The following TENM3 variants were observed in gnomAD, a reference collection of about 807,000 sequenced individuals.
The protein encoded by TENM3 is teneurin-3.
Under a neutral mutation model 255.1 loss-of-function variants are expected in TENM3, and 63 were observed. The ratio of observed to expected loss-of-function variants is 0.25; its 90% CI spans 0.20 to 0.30. The LOEUF (loss-of-function observed/expected upper bound fraction) is 0.30, where lower values mean the gene tolerates loss of function less well. TENM3 is among the 10% of genes least tolerant of loss of function. The pLI is 1.00. For synonymous variants in TENM3, 1,306 were observed against 1,322.3 expected (o/e 0.99, Z 0.27); for missense variants, 2,929 against 3,461.1 (o/e 0.85, Z 3.86).
intron 24 of TENM3, among the ~76,000 whole-genome samples, chr4:182,788,275 T>C (rs1026484287): frequency 6.6e-6 from 1 of 152,168 alleles, no homozygotes; most frequent in African/African-American, 2.4e-5. Flanking sequence ...CTGCAAACAC[T>C]GGAGACTATT....
At chr4:182,023,858 T>A in the TENM3 span, among the ~76,000 whole-genome samples, 2 of 152,192 alleles carry the variant, frequency 1.3e-5, no homozygotes, top group Non-Finnish European at 2.9e-5. Context: ...CATACTCTCA[T>A]AAATATGATG....
In TENM3 at chr4:182,770,085, G is replaced by A. The variant is rs759977847; in HGVS notation, c.4893-3387G>A. ...CATGCCACTGCATTCCAGTCTGGGC[G>A]ACAGAGTGAGACTTGTCTCGAAAAA... is the stretch of plus-strand genomic sequence containing the variant. On this transcript the variant is annotated intron_variant, in intron 22 of 27. Transcript: ENST00000511685. Among the ~76,000 whole-genome samples the A allele has an allele frequency of 5.7e-3, 838 of 146,464 alleles. 3 individuals are homozygous for A. Among genetic ancestry groups the A allele is most frequent in the South Asian group, 0.021 (97 of 4,516 alleles).
At chr4:182,694,745 G>A (rs1203825352) in intron 12 of TENM3, among the ~76,000 whole-genome samples, 4 of 152,158 alleles carry the variant, frequency 2.6e-5, no homozygotes. Flanking sequence ...TGGGCTTTGG[G>A]ATGCCGAAGG....
chr4:182,592,579 A>C (rs1000918183), intron 3 of TENM3, among the ~76,000 whole-genome samples: 2 of 152,128 alleles, frequency 1.3e-5, no homozygotes, highest in Admixed American at 1.3e-4. Context: ...TAAAAAATTC[A>C]CTGGGCGTGT....
the TENM3 span, among the ~76,000 whole-genome samples, chr4:181,600,742 G>A: frequency 3.3e-5 from 5 of 151,384 alleles, no homozygotes; most frequent in South Asian, 1.1e-3. Context: ...ATTCAGACAG[G>A]CATCCTTCGA....
chr4:181,992,095 T>TGTAAAA, the TENM3 span, among the ~76,000 whole-genome samples: 11 of 152,286 alleles, frequency 7.2e-5, no homozygotes, highest in South Asian at 2.3e-3. Context: ...CGATAGGGCA[T>TGTAAAA]GTAAAAGTAC....
intron 1 of TENM3, among the ~76,000 whole-genome samples, chr4:182,191,368 C>G (rs1753505553): frequency 2.0e-5 from 3 of 152,152 alleles, no homozygotes; most frequent in African/African-American, 7.2e-5. Context: ...TTTTCTCCGG[C>G]TCTCTCCTCT....
intron 6 of TENM3, among the ~76,000 whole-genome samples, chr4:182,671,973 CTTG>C (rs1378432988): frequency 6.6e-6 from 1 of 152,140 alleles, no homozygotes; most frequent in South Asian, 2.1e-4. Context: ...TCCTCACCCT[CTTG>C]TTGTTATCAG....
chr4:182,017,645 A>G, the TENM3 span, among the ~76,000 whole-genome samples: 2 of 152,228 alleles, frequency 1.3e-5, no homozygotes, highest in Admixed American at 1.3e-4. Flanking sequence ...AAATAGTCCC[A>G]TACTATAAAA....
At chr4:182,711,030 A>C (rs1758711640) in intron 12 of TENM3, among the ~76,000 whole-genome samples, 2 of 152,218 alleles carry the variant, frequency 1.3e-5, no homozygotes, top group South Asian at 4.1e-4. Context: ...AATGGGCTAT[A>C]TATGCGATAA....
chr4:182,241,530 T>TTTTTTG (rs1757258685), upstream of TENM3, among the ~76,000 whole-genome samples: 1 of 147,156 alleles, frequency 6.8e-6, no homozygotes, highest in Admixed American at 6.7e-5. Flanking sequence ...TTTTTTTTTT[T>TTTTTTG]TTTTTGTGAG....
At chr4:181,817,059 C>T in the TENM3 span, among the ~76,000 whole-genome samples, 7 of 152,314 alleles carry the variant, frequency 4.6e-5, no homozygotes, top group East Asian at 1.2e-3. Context: ...CAGGACTCCA[C>T]TCTAAATTCA....
chr4:181,477,305 T>C, the TENM3 span, among the ~76,000 whole-genome samples: 1 of 152,138 alleles, frequency 6.6e-6, no homozygotes, highest in Non-Finnish European at 1.5e-5. Context: ...ATTTGAGATC[T>C]CTTCTAGCTG....
the TENM3 span, among the ~76,000 whole-genome samples, chr4:181,773,707 T>TTG: frequency 6.6e-6 from 1 of 152,276 alleles, no homozygotes; most frequent in Middle Eastern, 3.4e-3. Context: ...TGTTTAAAAT[T>TTG]TGTGTGTGTG....
At chr4:182,425,853 C>T (rs1203102776) in intron 3 of TENM3, among the ~76,000 whole-genome samples, 2 of 151,818 alleles carry the variant, frequency 1.3e-5, no homozygotes, top group Admixed American at 1.3e-4. Flanking sequence ...ACTAAAAACA[C>T]AAAAACTAGC....
the TENM3 span, among the ~76,000 whole-genome samples, chr4:181,629,408 T>C: frequency 2.0e-5 from 3 of 152,326 alleles, no homozygotes; most frequent in African/African-American, 4.8e-5. Flanking sequence ...CATCCCTGTC[T>C]TGTGCCAGTT....
chr4:182,205,598 C>T (rs542725917), intron 1 of TENM3, among the ~76,000 whole-genome samples: 2 of 152,392 alleles, frequency 1.3e-5, no homozygotes, highest in South Asian at 2.1e-4. Context: ...CCCAAATCAC[C>T]GCGCCACATC....
At chr4:181,711,461 A>G in the TENM3 span, among the ~76,000 whole-genome samples, 1 of 152,200 alleles carries the variant, frequency 6.6e-6, no homozygotes, top group Admixed American at 6.5e-5. Context: ...CAGTTCTTGG[A>G]TCTTCTGAAG....
intron 12 of TENM3, among the ~76,000 whole-genome samples, chr4:182,690,190 G>A (rs1291719985): frequency 1.3e-5 from 2 of 152,186 alleles, no homozygotes; most frequent in African/African-American, 2.4e-5. Context: ...TTGGAGCTTC[G>A]CTTGTTGCAT....
Sources: gnomAD v4.1 joint callset for allele counts (sites outside exome capture counted in the v4.1 genomes callset) on GRCh38, gnomAD v4.1.1 for gene constraint, MANE v1.5 for transcripts, NCBI Gene and HGNC (gene_info 2026-07-23, HGNC 2026-07-21) for gene names.